The following NEURL1 variants were observed in gnomAD, a reference collection of about 807,000 sequenced individuals.
The protein encoded by NEURL1 is neuralized E3 ubiquitin protein ligase 1, also known as E3 ubiquitin-protein ligase NEURL1.
NEURL1 carries 26 observed loss-of-function variants against 41.2 expected under a neutral mutation model. The observed-to-expected ratio is 0.63, with a 90% CI of 0.46 to 0.87. NEURL1 has a LOEUF of 0.87. Ranked by LOEUF, NEURL1 falls within the 40% of genes least tolerant of loss-of-function variation. The pLI is 0.00. For synonymous variants in NEURL1, 400 were observed against 402.3 expected (o/e 0.99, Z 0.07); for missense variants, 761 against 871.1 (o/e 0.87, Z 1.59).
intron 1 of NEURL1, among the ~76,000 whole-genome samples, chr10:103,532,300 T>G (rs1465745241): frequency 2.0e-5 from 3 of 152,142 alleles, no homozygotes; most frequent in Non-Finnish European, 4.4e-5. Flanking sequence ...TGGGTTTTTG[T>G]TTTTTTGGTA....
chr10:103,580,169 C>T (rs2035756642), intron 3 of NEURL1, among the ~76,000 whole-genome samples: 2 of 152,056 alleles, frequency 1.3e-5, no homozygotes, highest in South Asian at 4.2e-4. Flanking sequence ...TATTTTTGCT[C>T]TGGCCCAGGG....
rs560596673 is a variant in NEURL1, at chr10:103,571,231, C to T, written c.327+118C>T. 3 of 1,029,748 alleles carry T rather than the reference C, an allele frequency of 2.9e-6. No individual in the cohort carries two copies. In the African/African-American group the frequency reaches 4.8e-5, roughly 16 times the overall value. The allele number at this position is 1,029,748 out of a possible 1,614,324, so 63.8% of individuals were successfully genotyped here. A position where few individuals can be genotyped will look rare whatever the true frequency, so the allele number is the denominator to read the frequency against. ...CCTGCTGCCACCCCCAGCACCACAC[C>T]CTGCCCCTGCCTTTCCTCTCTGGTG... On this transcript the variant is annotated intron_variant, in intron 2 of 5. Transcript: ENST00000369780.
Position 103,590,149 on chromosome 10 carries a change from C to T in NEURL1, c.1502C>T (p.Ser501Leu), listed in dbSNP as rs773676428. 8.1e-6 allele frequency: 13 copies of T among 1,613,950 alleles called. No individual in the cohort carries two copies. The highest frequency in any genetic ancestry group is 1.0e-5 in the Non-Finnish European group (12 of 1,180,038). The change falls in exon 6 of 6, where the codon TCG becomes TTG. Residue 501 changes from serine to leucine, a missense_variant. Physicochemically the swap from Ser to Leu is moderately radical, Grantham distance 145. This residue lies in a region of NEURL1 where 443 missense variants were observed against 408.1 expected (regional missense o/e 1.09). Transcript: ENST00000369780. ...GSSAGGTAPN[S>L]PVSLPESPVT... is the part of the protein sequence containing the mutation. Reference sequence around the variant, plus strand: ...TTGTCCTCAGGGACAGCCCCCAATTCGCCAGTGAGCCTGCCCGAGTCGCCA... The same window carrying T: ...TTGTCCTCAGGGACAGCCCCCAATTTGCCAGTGAGCCTGCCCGAGTCGCCA...
At chr10:103,557,148 C>G (rs959921675) in intron 1 of NEURL1, among the ~76,000 whole-genome samples, 1 of 152,166 alleles carries the variant, frequency 6.6e-6, no homozygotes, top group South Asian at 2.1e-4. Flanking sequence ...GCTGTGCAGG[C>G]CAGGCCCGAT....
intron 1 of NEURL1, among the ~76,000 whole-genome samples, chr10:103,552,607 T>G (rs149523772): frequency 1.2e-4 from 18 of 152,358 alleles, no homozygotes; most frequent in Middle Eastern, 3.4e-3. Context: ...GATATACTCC[T>G]TAGTGAGACT....
rs2035550988 is a variant in NEURL1, at chr10:103,571,705, G to A, written c.532G>A (p.Val178Ile). The change falls in exon 3 of 6, where the codon GTC (valine) becomes ATC (isoleucine). Residue 178 changes from valine to isoleucine, a missense_variant. Transcript: ENST00000369780. ...IAFWVDKKGR[V>I]FHRINDSAVM... ...ATTCTGGGTGGACAAGAAGGGCCGT[G>A]TCTTCCACCGCATCAACGACTCGGC... 6.2e-7 allele frequency: 1 copy of A among 1,614,240 alleles called. No homozygotes were observed. The highest frequency in any genetic ancestry group is 1.3e-5 in the African/African-American group (1 of 75,076).
intron 1 of NEURL1, among the ~76,000 whole-genome samples, chr10:103,520,415 A>G (rs745993415): frequency 2.6e-5 from 4 of 152,180 alleles, no homozygotes; most frequent in Non-Finnish European, 4.4e-5. Context: ...GAGGGTCACA[A>G]GGTGCTCAGT....
intron 4 of NEURL1, among the ~76,000 whole-genome samples, 183 bp from the exon 5 acceptor site, chr10:103,589,331 T>G (rs1026910645): frequency 6.6e-5 from 10 of 152,212 alleles, no homozygotes; most frequent in African/African-American, 2.2e-4. Flanking sequence ...AGTCTTTAGC[T>G]GATTAGCTAT....
At chr10:103,567,718 A>G (rs1264893127) in intron 1 of NEURL1, among the ~76,000 whole-genome samples, 2 of 152,192 alleles carry the variant, frequency 1.3e-5, no homozygotes, top group Non-Finnish European at 2.9e-5. Context: ...TTAATGGCCA[A>G]TAACAAAGGC....
At chr10:103,580,146 G>A (rs1254519582) in intron 3 of NEURL1, among the ~76,000 whole-genome samples, 1 of 151,908 alleles carries the variant, frequency 6.6e-6, no homozygotes, top group Non-Finnish European at 1.5e-5. Context: ...TCCCTGCCCT[G>A]GCAGGGTCTG....
chr10:103,569,402 T>C (rs2035491156), intron 1 of NEURL1, among the ~76,000 whole-genome samples: 4 of 152,246 alleles, frequency 2.6e-5, no homozygotes, highest in Admixed American at 2.0e-4. Flanking sequence ...ATTTTTCTCT[T>C]ATGCTTCCAT....
At chr10:103,588,570 C>T (rs2133887144) in intron 4 of NEURL1, among the ~76,000 whole-genome samples, 1 of 152,132 alleles carries the variant, frequency 6.6e-6, no homozygotes, top group East Asian at 1.9e-4. Context: ...TGCACGGGGC[C>T]TGATGCCTGG....
intron 1 of NEURL1, among the ~76,000 whole-genome samples, chr10:103,522,103 G>T (rs930755499): frequency 5.3e-5 from 8 of 152,150 alleles, no homozygotes; most frequent in Admixed American, 3.3e-4. Context: ...ACTCGGTTAA[G>T]GTGGGGCAGG....
At position 103,574,503 on chromosome 10, in the gene NEURL1, T is replaced by C. The variant is rs571150680; in HGVS notation, c.649+2681T>C. On this transcript the variant is annotated intron_variant, in intron 3 of 5. Coordinates refer to ENST00000369780, the MANE Select transcript of NEURL1 (RefSeq NM_004210.5). ...GTGTTCTGATGCCAAAAGCAACACCTTTCCCATTACCCTCCAGCTGGTTTA... is the reference window on the plus strand; with the variant it reads ...GTGTTCTGATGCCAAAAGCAACACCCTTCCCATTACCCTCCAGCTGGTTTA... 9.9e-5 allele frequency among the ~76,000 whole-genome samples: 15 copies of C among 152,282 alleles called. No individual in the cohort carries two copies. In the East Asian group the frequency reaches 2.9e-3, roughly 29 times the overall value.
Position 103,592,298 on chromosome 10 carries a change from T to TGG in NEURL1, c.*1927_*1928insGG, listed in dbSNP as rs2036068287. On this transcript the variant is annotated 3_prime_UTR_variant, in exon 6 of 6. Transcript: ENST00000369780. The surrounding 1 kb of genome is among the most constrained non-coding windows in gnomAD (Gnocchi z 4.8). The stretch of plus-strand genomic sequence containing the variant: ...TCAGGCTGGGCCTTTGTGCTGGCCT[T>TGG]GCAGTGGGTGTGTGGGGAAGTCACT... 1 of 152,558 alleles carries TGG rather than the reference T, an allele frequency of 6.6e-6. No homozygotes were observed. The highest frequency in any genetic ancestry group is 2.4e-5 in the African/African-American group (1 of 41,412). The allele number at this position is 152,558 out of a possible 1,614,324, so 9.5% of individuals were successfully genotyped here.
chr10:103,572,336 G>A (rs1028138048), intron 3 of NEURL1, among the ~76,000 whole-genome samples: 1 of 152,234 alleles, frequency 6.6e-6, no homozygotes, highest in Non-Finnish European at 1.5e-5. Context: ...CCAGCTGTCA[G>A]CCCCTGGGCT....
intron 1 of NEURL1, among the ~76,000 whole-genome samples, chr10:103,532,455 A>G (rs891632286): frequency 6.6e-6 from 1 of 152,200 alleles, no homozygotes; most frequent in African/African-American, 2.4e-5. Flanking sequence ...AGGCTAGTCC[A>G]GTGGTGATGA....
At chr10:103,532,795 G>GT (rs2034598773) in intron 1 of NEURL1, among the ~76,000 whole-genome samples, 2 of 151,594 alleles carry the variant, frequency 1.3e-5, no homozygotes, top group Non-Finnish European at 2.9e-5. Context: ...GCCTTTTTGG[G>GT]TTAAATCTAT....
intron 1 of NEURL1, among the ~76,000 whole-genome samples, chr10:103,507,468 C>T (rs772210735): frequency 3.3e-5 from 5 of 151,998 alleles, no homozygotes; most frequent in Non-Finnish European, 7.4e-5. Context: ...CAGATTGACT[C>T]GGGAGATACT....
Sources: allele counts gnomAD v4.1 joint callset (sites outside exome capture counted in the v4.1 genomes callset), GRCh38; gene constraint gnomAD v4.1.1; regional missense constraint gnomAD v4.1.1; non-coding constraint Gnocchi (gnomAD v3.1); transcripts MANE v1.5; gene names NCBI Gene and HGNC (gene_info 2026-07-23, HGNC 2026-07-21).